The following CHRNA3 variants were observed in gnomAD, a reference collection of about 807,000 sequenced individuals.
The protein encoded by CHRNA3 is cholinergic receptor nicotinic alpha 3 subunit.
A neutral mutation model predicts 41.9 loss-of-function variants in CHRNA3; 34 were observed. That is an observed-to-expected ratio of 0.81 (90% CI 0.62 to 1.08). The LOEUF (loss-of-function observed/expected upper bound fraction) is 1.08. Among genes scored for constraint, CHRNA3 ranks in the 50% least tolerant of loss-of-function variants. The probability of loss-of-function intolerance (pLI) is 0.00; values close to 1 mark genes in which losing one functional copy is unlikely to be tolerated. For synonymous variants in CHRNA3, 281 were observed against 265.2 expected (o/e 1.06, Z -0.58); for missense variants, 542 against 638.3 (o/e 0.85, Z 1.63).
At chr15:78,600,435 T>C (rs2053179865) in intron 5 of CHRNA3, among the ~76,000 whole-genome samples, 1 of 152,204 alleles carries the variant, frequency 6.6e-6, no homozygotes, top group African/African-American at 2.4e-5. Flanking sequence ...TGGGGAACTT[T>C]CTAGGGGCCC....
downstream of CHRNA3, chr15:78,594,113 C>T (rs1171385584): frequency 1.3e-5 from 2 of 152,126 alleles, no homozygotes; most frequent in African/African-American, 4.8e-5. Flanking sequence ...AAATGAAAAA[C>T]AGGAATTGGG....
chr15:78,609,196 G>A (rs1567084628), intron 4 of CHRNA3, among the ~76,000 whole-genome samples: 1 of 152,126 alleles, frequency 6.6e-6, no homozygotes, highest in Non-Finnish European at 1.5e-5. Flanking sequence ...TAGCAAGGCA[G>A]GCCAACATTC....
In CHRNA3 at chr15:78,601,715, C is replaced by T. The variant is rs199539303; in HGVS notation, c.927G>A (p.Leu309=). The change falls in exon 5 of 6, where the codon CTG becomes CTA. Residue 309 remains leucine, a synonymous_variant. Coordinates refer to ENST00000326828, the MANE Select transcript of CHRNA3 (RefSeq NM_000743.5). ...LVIPLIGEYL[L]FTMIFVTLSI... ...ACAAGGTTACAAAAATCATGGTGAA[C>T]AGGAGGTACTCTCCAATCAGGGGGA... is the stretch of plus-strand genomic sequence containing the variant. The T allele has an allele frequency of 6.2e-7, 1 of 1,613,974 alleles. No homozygotes were observed. The highest frequency in any genetic ancestry group is 8.5e-7 in the Non-Finnish European group (1 of 1,180,018).
intron 4 of CHRNA3, among the ~76,000 whole-genome samples, chr15:78,615,118 C>T (rs996774541): frequency 1.3e-5 from 2 of 152,182 alleles, no homozygotes; most frequent in African/African-American, 2.4e-5. Flanking sequence ...TTCTCAACTA[C>T]GACCTGGATG....
At chr15:78,611,522 C>A (rs901348344) in intron 4 of CHRNA3, among the ~76,000 whole-genome samples, 5 of 152,002 alleles carry the variant, frequency 3.3e-5, no homozygotes, top group South Asian at 2.1e-4. Context: ...ATTCAACAAC[C>A]CTTCACGCTA....
chr15:78,603,393 C>T (rs1339714023), intron 4 of CHRNA3, among the ~76,000 whole-genome samples: 2 of 152,184 alleles, frequency 1.3e-5, no homozygotes, highest in Non-Finnish European at 2.9e-5. Context: ...TTGAGTCTTG[C>T]ATTGGGCATT....
At chr15:78,618,714 G>T (rs192221743) in intron 2 of CHRNA3, 53 bp from the exon 3 acceptor site, 1 of 1,614,080 alleles carries the variant, frequency 6.2e-7, no homozygotes, top group East Asian at 2.2e-5. Context: ...GACTAATTCT[G>T]GGAAAGGCTC....
chr15:78,620,399 A>AGGGCGACGGGCAGCGCGGGGC, intron 1 of CHRNA3: 10 of 223,334 alleles, frequency 4.5e-5, no homozygotes, highest in Admixed American at 8.2e-5. Flanking sequence ...CAGCGCGGGG[A>AGGGCGACGGGCAGCGCGGGGC]CGCGAATCCC....
intron 4 of CHRNA3, among the ~76,000 whole-genome samples, chr15:78,616,247 G>A (rs939659127): frequency 4.6e-5 from 7 of 151,844 alleles, no homozygotes; most frequent in African/African-American, 1.7e-4. Flanking sequence ...CAGCTACTTG[G>A]GAGGCTGAGG....
chr15:78,618,362 G>C, intron 3 of CHRNA3: 1 of 529,852 alleles, frequency 1.9e-6, no homozygotes, highest in Non-Finnish European at 3.4e-6. Flanking sequence ...TGTGAACATG[G>C]AGAATGTCTT....
chr15:78,607,079 A>T (rs954713399), intron 4 of CHRNA3, among the ~76,000 whole-genome samples: 2 of 151,822 alleles, frequency 1.3e-5, no homozygotes, highest in African/African-American at 2.4e-5. Context: ...AATACAAAAA[A>T]TTAGCTGGGC....
At chr15:78,616,367 C>CAA (rs146600996) in intron 4 of CHRNA3, among the ~76,000 whole-genome samples, 28 of 134,950 alleles carry the variant, frequency 2.1e-4, no homozygotes, top group African/African-American at 6.5e-4. Flanking sequence ...CCCACCCCCC[C>CAA]AAAAAAAAAG....
intron 4 of CHRNA3, among the ~76,000 whole-genome samples, chr15:78,608,557 T>C (rs1212129855): frequency 3.9e-5 from 6 of 152,158 alleles, no homozygotes; most frequent in South Asian, 2.1e-4. Flanking sequence ...ACAGAAAGCA[T>C]ATCCACACCA....
In CHRNA3 at chr15:78,601,451, G is replaced by A. The variant is rs1386051446; in HGVS notation, c.1191C>T (p.Cys397=). Residue 397 remains cysteine (C), a synonymous_variant, in exon 5 of 6, where the codon TGC becomes TGT. Transcript: ENST00000326828. Reference sequence around the variant, plus strand: ...GGCAGTAACCACACATCCCGTCCTGGCAGGGGTAGCCCTCCTTGCAGCCTT... The same window carrying A: ...GGCAGTAACCACACATCCCGTCCTGACAGGGGTAGCCCTCCTTGCAGCCTT... ...ESKGCKEGYP[C]QDGMCGYCHH... 3 of 1,614,164 alleles carry A rather than the reference G, an allele frequency of 1.9e-6. No individual in the cohort carries two copies. The South Asian group carries it at 3.3e-5, about 18-fold the overall frequency.
At position 78,603,106 on chromosome 15, in the gene CHRNA3, C is replaced by T. The variant is rs192776562; in HGVS notation, c.378-842G>A. On this transcript the variant is annotated intron_variant, in intron 4 of 5. Coordinates refer to ENST00000326828, the MANE Select transcript of CHRNA3 (RefSeq NM_000743.5). ...GTAGCTCACTACAATCTCTGTCTCC[C>T]GGGGTTCAAGCAAGTCTCCTGCTCA... 1.2e-4 allele frequency among the ~76,000 whole-genome samples: 19 copies of T among 152,270 alleles called. 1 individual carries two copies. The highest frequency in any genetic ancestry group is 1.0e-3 in the Admixed American group (16 of 15,298).
At chr15:78,594,477 G>C (rs998815470), downstream of CHRNA3, 1 of 152,178 alleles carries the variant, frequency 6.6e-6, no homozygotes, top group Non-Finnish European at 1.5e-5. Flanking sequence ...AGGAGTTCGA[G>C]ACTAGCCTGA....
At chr15:78,597,735 C>T (rs2053135688) in intron 5 of CHRNA3, among the ~76,000 whole-genome samples, 1 of 152,210 alleles carries the variant, frequency 6.6e-6, no homozygotes, top group South Asian at 2.1e-4. Flanking sequence ...AATTATACTC[C>T]TAGACAATTC....
Position 78,596,397 on chromosome 15 carries a change from A to T in CHRNA3, c.*207T>A, listed in dbSNP as rs202192344. 4.9e-6 allele frequency: 6 copies of T among 1,230,708 alleles called. No homozygotes were observed. The highest frequency in any genetic ancestry group is 6.1e-6 in the Non-Finnish European group (6 of 985,192). 76.2% of individuals were successfully genotyped at this position (1,230,708 alleles called of 1,614,324 possible). A position where few individuals can be genotyped will look rare whatever the true frequency, so the allele number is the denominator to read the frequency against. The stretch of plus-strand genomic sequence containing the variant: ...TTGACATCTCTTTACCATACCAAAA[A>T]GGCTAGTTAAATGTTCATTTATCGG... On this transcript the variant is annotated 3_prime_UTR_variant, in exon 6 of 6. Transcript: ENST00000326828.
At position 78,606,999 on chromosome 15, in the gene CHRNA3, G is replaced by A. The variant is rs78090107; in HGVS notation, c.378-4735C>T. Among the ~76,000 whole-genome samples the A allele has an allele frequency of 0.011, 1,623 of 152,120 alleles. 143 individuals are homozygous for A. The East Asian group carries it at 0.25, about 23-fold the overall frequency. ...TCCCAGCACTTTGGAAGGCTGAGGC[G>A]GGCAGATCATTTGAAGTCAGGAGTT... On this transcript the variant is annotated intron_variant, in intron 4 of 5. Coordinates refer to ENST00000326828, the MANE Select transcript of CHRNA3 (RefSeq NM_000743.5).
Sources: gnomAD v4.1 joint callset for allele counts (sites outside exome capture counted in the v4.1 genomes callset) on GRCh38, gnomAD v4.1.1 for gene constraint, MANE v1.5 for transcripts, NCBI Gene and HGNC (gene_info 2026-07-23, HGNC 2026-07-21) for gene names.